LEF1: variants seen among roughly 807,000 people sequenced by gnomAD.
The protein encoded by LEF1 is lymphoid enhancer binding factor 1.
In LEF1, 14 loss-of-function variants were observed where a neutral mutation model predicts 51.2. The observed-to-expected ratio is 0.27, with a 90% confidence interval of 0.18 to 0.43. The LOEUF is 0.43. LEF1 is among the 20% of genes least tolerant of loss of function. LEF1 has a pLI of 1.00. For missense variants in LEF1, 386 were observed against 512.0 expected (o/e 0.75, Z 2.37); for synonymous variants, 185 against 183.2 (o/e 1.01, Z -0.08).
intron 3 of LEF1, among the ~76,000 whole-genome samples, chr4:108,126,954 A>C (rs1742583444): frequency 6.6e-6 from 1 of 152,002 alleles, no homozygotes; most frequent in Non-Finnish European, 1.5e-5. Context: ...ATCTGTATGT[A>C]ATCTAATGAG....
intron 3 of LEF1, among the ~76,000 whole-genome samples, chr4:108,160,462 C>A (rs1452450724): frequency 1.3e-5 from 2 of 152,172 alleles, no homozygotes; most frequent in South Asian, 2.1e-4. Flanking sequence ...TAAGAACTCA[C>A]GCTGACACCA....
At chr4:108,115,449 T>A (rs1363631225) in intron 3 of LEF1, among the ~76,000 whole-genome samples, 1 of 152,232 alleles carries the variant, frequency 6.6e-6, no homozygotes, top group Non-Finnish European at 1.5e-5. Flanking sequence ...ACATTATTGG[T>A]CTTGCTAAAT....
chr4:108,166,319 G>T (rs1206588060), intron 1 of LEF1: 2 of 1,531,098 alleles, frequency 1.3e-6, no homozygotes, highest in Non-Finnish European at 1.7e-6. Flanking sequence ...TCTTAAACGC[G>T]CTGTTTAAAA....
At chr4:108,113,721 G>A (rs1741665257) in intron 3 of LEF1, among the ~76,000 whole-genome samples, 1 of 152,328 alleles carries the variant, frequency 6.6e-6, no homozygotes, top group South Asian at 2.1e-4. Flanking sequence ...GGGAGGGTGG[G>A]ACCATGGATA....
chr4:108,131,106 CTGGGACTACAGG>C (rs1248199030), intron 3 of LEF1, among the ~76,000 whole-genome samples: 4 of 151,930 alleles, frequency 2.6e-5, no homozygotes, highest in African/African-American at 9.7e-5. Flanking sequence ...GCCAGAGCAG[CTGGGACTACAGG>C]TGGCGCCACT....
rs1024946679 is a variant in LEF1 at position 108,140,978 on chromosome 4, A to G, written c.414+22590T>C. On this transcript the variant is annotated intron_variant, in intron 3 of 11. Coordinates refer to ENST00000265165, the MANE Select transcript of LEF1 (RefSeq NM_016269.5). ...AAAAACATAATGCTTTTTTGAGACA[A>G]GTTTACAGACTCAAAATAAAAATGT... 2.0e-5 allele frequency among the ~76,000 whole-genome samples: 3 copies of G among 152,346 alleles called. No homozygotes were observed. In the East Asian group the frequency reaches 5.8e-4, roughly 29 times the overall value.
chr4:108,095,496 G>C (rs1192210921), intron 3 of LEF1, among the ~76,000 whole-genome samples: 1 of 152,110 alleles, frequency 6.6e-6, no homozygotes, highest in African/African-American at 2.4e-5. Flanking sequence ...TTGGTGCTCA[G>C]CTCCTCTCTC....
intron 3 of LEF1, among the ~76,000 whole-genome samples, chr4:108,111,360 T>C (rs1741518778): frequency 1.3e-5 from 2 of 152,246 alleles, no homozygotes; most frequent in South Asian, 4.1e-4. Context: ...ACCTGCTGAG[T>C]GTACCTGGGG....
intron 11 of LEF1, 146 bp from the exon 12 acceptor site, chr4:108,048,897 C>T: frequency 2.0e-6 from 1 of 488,322 alleles, no homozygotes; most frequent in East Asian, 3.3e-5. Flanking sequence ...AAATGAATTG[C>T]CCTATCAGTC....
chr4:108,105,185 T>A (rs1429625146), intron 3 of LEF1, among the ~76,000 whole-genome samples: 3 of 150,954 alleles, frequency 2.0e-5, no homozygotes, highest in Non-Finnish European at 4.4e-5. Context: ...AATCCACTTT[T>A]TTTTTTTTTT....
In LEF1 at chr4:108,058,849, G is replaced by A. The variant is rs41498346; in HGVS notation, c.*6+4774C>T. On this transcript the variant is annotated intron_variant, in intron 11 of 11. Coordinates refer to ENST00000265165, the MANE Select transcript of LEF1 (RefSeq NM_016269.5). The stretch of plus-strand genomic sequence containing the variant: ...ACAGCAGTCCTCACTAAATGTTTGC[G>A]TGGTGAGTAAACAAGTGATTAGTGT... 7.0e-3 allele frequency among the ~76,000 whole-genome samples: 1,064 copies of A among 152,272 alleles called. 10 individuals carry two copies. The highest frequency in any genetic ancestry group is 0.023 in the African/African-American group (951 of 41,552).
In LEF1 at chr4:108,102,653, T is replaced by C. The variant is rs540483362; in HGVS notation, c.415-13396A>G. The stretch of plus-strand genomic sequence containing the variant: ...TGATGTTCAGTGGTTCTAAGTTCTA[T>C]GCCTTGTATGATTACAGAGCTAGGG... On this transcript the variant is annotated intron_variant, in intron 3 of 11. Transcript: ENST00000265165. Among the ~76,000 whole-genome samples, 4 of 152,320 alleles carry C rather than the reference T, an allele frequency of 2.6e-5. No homozygotes were observed. The South Asian group carries it at 6.2e-4, about 24-fold the overall frequency.
chr4:108,164,928 T>C (rs1045510040), intron 2 of LEF1, among the ~76,000 whole-genome samples, 169 bp downstream of exon 2: 2 of 152,158 alleles, frequency 1.3e-5, no homozygotes, highest in Non-Finnish European at 2.9e-5. Flanking sequence ...TTATGTAATA[T>C]ATATTAGAGG....
At chr4:108,164,735 T>A (rs1173076539) in intron 2 of LEF1, among the ~76,000 whole-genome samples, 1 of 152,062 alleles carries the variant, frequency 6.6e-6, no homozygotes, top group Admixed American at 6.6e-5. Context: ...GGTTGGAAAA[T>A]AAATCGATAT....
chr4:108,166,344 G>C, intron 1 of LEF1: 4 of 1,518,434 alleles, frequency 2.6e-6, no homozygotes, highest in Non-Finnish European at 2.6e-6. Flanking sequence ...AAATGTCCCC[G>C]CCCTCAAAAC....
chr4:108,125,868 A>G (rs566663112), intron 3 of LEF1, among the ~76,000 whole-genome samples: 1 of 152,188 alleles, frequency 6.6e-6, no homozygotes, highest in African/African-American at 2.4e-5. Context: ...TAAAAAGTAA[A>G]TGTTGTTTTA....
intron 3 of LEF1, among the ~76,000 whole-genome samples, chr4:108,101,494 G>A (rs1376749645): frequency 6.6e-6 from 1 of 152,160 alleles, no homozygotes. Context: ...AGGAAGAGGG[G>A]TAAAGAAGTA....
chr4:108,162,261 T>C (rs559350217), intron 3 of LEF1, among the ~76,000 whole-genome samples: 26 of 152,308 alleles, frequency 1.7e-4, no homozygotes, highest in African/African-American at 5.8e-4. Flanking sequence ...AACTACTATA[T>C]AAAAATTAGA....
rs144243701 is a variant in LEF1 at position 108,108,544 on chromosome 4, G to T, written c.415-19287C>A. Among the ~76,000 whole-genome samples the T allele has an allele frequency of 5.0e-3, 762 of 152,140 alleles. 4 individuals carry two copies. The highest frequency in any genetic ancestry group is 0.018 in the African/African-American group (727 of 41,488). ...TAAAATAAATTATATTAAAATGTGGGAGATGTCCAGTGGTCTTGGAACTGG... is the reference window on the plus strand; with the variant it reads ...TAAAATAAATTATATTAAAATGTGGTAGATGTCCAGTGGTCTTGGAACTGG... On this transcript the variant is annotated intron_variant, in intron 3 of 11. Transcript: ENST00000265165.
Sources: allele counts gnomAD v4.1 joint callset (sites outside exome capture counted in the v4.1 genomes callset), GRCh38; gene constraint gnomAD v4.1.1; transcripts MANE v1.5; gene names NCBI Gene and HGNC (gene_info 2026-07-23, HGNC 2026-07-21).